Variants in TMEM131L observed in about 807,000 individuals in gnomAD.
TMEM131L encodes the protein transmembrane 131 like.
In TMEM131L, 54 loss-of-function variants were observed where a neutral mutation model predicts 192.2. That is an observed-to-expected ratio of 0.28 (90% CI 0.23 to 0.35). TMEM131L has a LOEUF of 0.35. Among genes scored for constraint, TMEM131L ranks in the 10% least tolerant of loss-of-function variants. TMEM131L has a pLI of 1.00. For synonymous variants in TMEM131L, 701 were observed against 704.9 expected (o/e 0.99, Z 0.09); for missense variants, 1,888 against 1,972.9 (o/e 0.96, Z 0.82).
At chr4:153,522,625 G>T (rs1238286877) in intron 3 of TMEM131L, among the ~76,000 whole-genome samples, 4 of 152,206 alleles carry the variant, frequency 2.6e-5, no homozygotes, top group Non-Finnish European at 5.9e-5. Flanking sequence ...TTCCTTAAGA[G>T]CAAGGTCCTT....
At chr4:153,474,744 CAG>C (rs1478235814) in intron 3 of TMEM131L, among the ~76,000 whole-genome samples, 1 of 152,074 alleles carries the variant, frequency 6.6e-6, no homozygotes. Context: ...TTAGTAGAGA[CAG>C]GGTTTCTCCA....
intron 23 of TMEM131L, among the ~76,000 whole-genome samples, 181 bp downstream of exon 23, chr4:153,602,908 T>C (rs894938655): frequency 6.6e-6 from 1 of 152,236 alleles, no homozygotes; most frequent in Admixed American, 6.5e-5. Flanking sequence ...TATAGTAAAC[T>C]AATCGTAAGA....
chr4:153,524,318 G>A (rs1735330725), intron 3 of TMEM131L, among the ~76,000 whole-genome samples: 1 of 152,166 alleles, frequency 6.6e-6, no homozygotes, highest in Admixed American at 6.5e-5. Flanking sequence ...CAGCTAAGTT[G>A]TGTGTGTCGG....
chr4:153,631,835 C>T (rs540809704), intron 31 of TMEM131L, among the ~76,000 whole-genome samples: 1 of 152,342 alleles, frequency 6.6e-6, no homozygotes, highest in South Asian at 2.1e-4. Context: ...TTCCCCTCTC[C>T]TTCCTGGCTA....
chr4:153,508,861 C>G (rs1158105437), intron 3 of TMEM131L, among the ~76,000 whole-genome samples: 1 of 151,838 alleles, frequency 6.6e-6, no homozygotes, highest in Non-Finnish European at 1.5e-5. Context: ...CCAGGTTGGT[C>G]TCAAACTCCT....
At chr4:153,548,018 G>GT (rs200063588) in intron 3 of TMEM131L, among the ~76,000 whole-genome samples, 41 of 134,332 alleles carry the variant, frequency 3.1e-4, no homozygotes, top group Non-Finnish European at 3.5e-4. Context: ...GAAGTTGCCT[G>GT]TTTTTTTTTT....
chr4:153,536,431 A>C (rs994359177), intron 3 of TMEM131L, among the ~76,000 whole-genome samples: 2 of 152,248 alleles, frequency 1.3e-5, no homozygotes, highest in African/African-American at 4.8e-5. Context: ...AGCTGAATTG[A>C]AAGGGAGGCT....
chr4:153,585,216 G>C (rs543693114), intron 12 of TMEM131L, among the ~76,000 whole-genome samples: 2 of 152,336 alleles, frequency 1.3e-5, no homozygotes, highest in East Asian at 3.9e-4. Flanking sequence ...TCAGGTTCTG[G>C]TTTGGTCCTG....
intron 7 of TMEM131L, among the ~76,000 whole-genome samples, chr4:153,564,869 A>G (rs915065005): frequency 6.6e-6 from 1 of 152,192 alleles, no homozygotes; most frequent in Non-Finnish European, 1.5e-5. Flanking sequence ...AAGGTCCTTG[A>G]TAACCTGGGA....
intron 18 of TMEM131L, among the ~76,000 whole-genome samples, 159 bp from the exon 19 acceptor site, chr4:153,593,640 G>A (rs1731223690): frequency 6.6e-6 from 1 of 151,682 alleles, no homozygotes; most frequent in African/African-American, 2.4e-5. Flanking sequence ...GGGAATGTGG[G>A]GTGGAATGTC....
chr4:153,628,133 C>G (rs900866298), intron 31 of TMEM131L, among the ~76,000 whole-genome samples: 1 of 152,248 alleles, frequency 6.6e-6, no homozygotes, highest in African/African-American at 2.4e-5. Context: ...CCCTTCCTCC[C>G]CAACTCACTT....
intron 3 of TMEM131L, among the ~76,000 whole-genome samples, chr4:153,498,528 A>G (rs1048069899): frequency 7.9e-5 from 12 of 152,160 alleles, no homozygotes; most frequent in African/African-American, 2.9e-4. Flanking sequence ...TATGTGAGAG[A>G]GCGTGTGGGT....
intron 4 of TMEM131L, among the ~76,000 whole-genome samples, chr4:153,550,365 CCA>C: frequency 6.6e-6 from 1 of 152,226 alleles, no homozygotes; most frequent in South Asian, 2.1e-4. Flanking sequence ...CCTGCTCTGT[CCA>C]CCAGGCTGGA....
chr4:153,528,542 A>G, intron 3 of TMEM131L, among the ~76,000 whole-genome samples: 1 of 152,224 alleles, frequency 6.6e-6, no homozygotes, highest in East Asian at 1.9e-4. Context: ...CAGGTAAAGG[A>G]GGAAAATACT....
chr4:153,587,727 T>G lies in TMEM131L; in HGVS notation c.1483-15T>G, dbSNP rs1265508156. ...GCTGTGTTTTAAGTTATTCATATAT[T>G]ACTTTTCAATCTAGGAAGGGAGTCT... On this transcript the variant is annotated splice_polypyrimidine_tract_variant and intron_variant, in intron 14 of 34. Coordinates refer to ENST00000409959, the MANE Select transcript of TMEM131L (RefSeq NM_001131007.2). 1 of 1,572,578 alleles carries G rather than the reference T, an allele frequency of 6.4e-7. No homozygotes were observed. Among genetic ancestry groups the G allele is most frequent in the South Asian group, 1.1e-5 (1 of 90,264 alleles).
Position 153,581,558 on chromosome 4 carries a change from CAGGTA to C in TMEM131L, c.892+3_892+7del. 6.5e-7 allele frequency: 1 copy of C among 1,536,100 alleles called. No homozygotes were observed. Among genetic ancestry groups the C allele is most frequent in the South Asian group, 1.3e-5 (1 of 79,830 alleles). On this transcript the variant is annotated splice_donor_variant and splice_donor_region_variant and coding_sequence_variant and intron_variant, in exon 9 of 35. Transcript: ENST00000409959. LOFTEE classifies it high-confidence loss of function. Reference sequence around the variant, plus strand: ...GTAGCTACAGATGAATCTGAGACCTCAGGTAAGGTGGAATGTTTAAAAATTTTATT... The same window carrying C: ...GTAGCTACAGATGAATCTGAGACCTCAGGTGGAATGTTTAAAAATTTTATT...
intron 4 of TMEM131L, chr4:153,554,164 C>G (rs967162446): frequency 6.6e-6 from 1 of 152,106 alleles, no homozygotes; most frequent in Non-Finnish European, 1.5e-5. Context: ...AACCCAAAAC[C>G]TCAGAAGTCC....
intron 2 of TMEM131L, among the ~76,000 whole-genome samples, chr4:153,471,011 G>A (rs1731120866): frequency 6.9e-6 from 1 of 145,814 alleles, no homozygotes; most frequent in African/African-American, 2.6e-5. Flanking sequence ...TTTTGAGACT[G>A]AGTGTTGCTC....
chr4:153,493,573 T>A (rs1732952571), intron 3 of TMEM131L, among the ~76,000 whole-genome samples: 2 of 151,886 alleles, frequency 1.3e-5, no homozygotes, highest in Non-Finnish European at 2.9e-5. Context: ...GGCAGGAGAA[T>A]CACTTGAACC....
Sources: allele counts gnomAD v4.1 joint callset (sites outside exome capture counted in the v4.1 genomes callset), GRCh38; gene constraint gnomAD v4.1.1; transcripts MANE v1.5; gene names NCBI Gene and HGNC (gene_info 2026-07-23, HGNC 2026-07-21).